USP45: variants seen among roughly 807,000 people sequenced by gnomAD.
USP45 encodes ubiquitin specific peptidase 45.
USP45 carries 89 observed loss-of-function variants against 95.8 expected under a neutral mutation model. That is an observed-to-expected ratio of 0.93 (90% CI 0.78 to 1.11). The LOEUF is 1.11. Among genes scored for constraint, USP45 ranks in the 50% least tolerant of loss-of-function variants. The pLI, the probability that USP45 is intolerant of heterozygous loss-of-function variation, is 0.00. For missense variants in USP45, 898 were observed against 942.5 expected, an observed-to-expected ratio of 0.95 and a Z score of 0.62; for synonymous variants, 281 against 316.2, an observed-to-expected ratio of 0.89 and a Z score of 1.18.
At chr6:99,473,047 G>A (rs745916160) in intron 9 of USP45, among the ~76,000 whole-genome samples, 42 of 150,322 alleles carry the variant, frequency 2.8e-4, no homozygotes, top group Admixed American at 2.0e-4. Context: ...TTCTTTTTTA[G>A]ACACAATGTA....
chr6:99,459,636 G>A (rs752336202), intron 13 of USP45, among the ~76,000 whole-genome samples: 16 of 151,950 alleles, frequency 1.1e-4, no homozygotes, highest in South Asian at 2.1e-4. Context: ...CTGCAGCCTC[G>A]CCAGCATTTA....
intron 7 of USP45, among the ~76,000 whole-genome samples, chr6:99,484,147 G>A (rs1793224054): frequency 6.7e-6 from 1 of 149,182 alleles, no homozygotes. Flanking sequence ...AAATTACAGA[G>A]GACTCAAGAC....
chr6:99,466,551 A>T, intron 11 of USP45, 121 bp downstream of exon 11: 1 of 741,728 alleles, frequency 1.3e-6, no homozygotes, highest in Non-Finnish European at 2.3e-6. Flanking sequence ...TTCAAGAATC[A>T]TTATGTAATC....
At chr6:99,438,743 G>A (rs1291393883) in intron 16 of USP45, among the ~76,000 whole-genome samples, 10 of 152,204 alleles carry the variant, frequency 6.6e-5, no homozygotes, top group Non-Finnish European at 1.2e-4. Context: ...AAATATTATG[G>A]GTGAAATGAT....
At chr6:99,465,005 T>G in intron 12 of USP45, 75 bp downstream of exon 12, 1 of 1,261,946 alleles carries the variant, frequency 7.9e-7, no homozygotes, top group Non-Finnish European at 1.1e-6. Flanking sequence ...TATCTGGTAA[T>G]ATACTCAACA....
At position 99,435,520 on chromosome 6, in the gene USP45, T is replaced by C. The variant is rs1484094447; in HGVS notation, c.*196A>G. On this transcript the variant is annotated 3_prime_UTR_variant, in exon 18 of 18. Coordinates refer to ENST00000500704, the MANE Select transcript of USP45 (RefSeq NM_001346022.3). ...TACCTGGAAACAAAATTCACATTTATTTTAAGACTATGAATTTTAAAGCAT... is the reference window on the plus strand; with the variant it reads ...TACCTGGAAACAAAATTCACATTTACTTTAAGACTATGAATTTTAAAGCAT... 4.7e-6 allele frequency: 2 copies of C among 424,326 alleles called. No homozygotes were observed. Among genetic ancestry groups the C allele is most frequent in the East Asian group, 7.7e-5 (2 of 26,076 alleles). 26.3% of individuals were successfully genotyped at this position (424,326 alleles called of 1,614,324 possible). A position where few individuals can be genotyped will look rare whatever the true frequency, so the allele number is the denominator to read the frequency against.
chr6:99,497,964 A>T (rs1439692517), intron 5 of USP45, among the ~76,000 whole-genome samples: 2 of 152,188 alleles, frequency 1.3e-5, no homozygotes, highest in African/African-American at 4.8e-5. Flanking sequence ...AAGTCGGATT[A>T]TTCTTCTAAA....
chr6:99,507,267 G>T (rs894111328), intron 4 of USP45, among the ~76,000 whole-genome samples, 161 bp downstream of exon 4: 6 of 152,036 alleles, frequency 3.9e-5, no homozygotes, highest in Non-Finnish European at 8.8e-5. Context: ...TATATTCACA[G>T]GTAATATTAA....
intron 10 of USP45, among the ~76,000 whole-genome samples, chr6:99,467,087 A>G (rs1179828880): frequency 6.6e-6 from 1 of 152,192 alleles, no homozygotes; most frequent in Non-Finnish European, 1.5e-5. Flanking sequence ...AGTACCCAGA[A>G]GAATGGAAAA....
chr6:99,505,640 C>CAA (rs11303051), intron 4 of USP45, among the ~76,000 whole-genome samples: 66 of 85,278 alleles, frequency 7.7e-4, no homozygotes, highest in African/African-American at 2.3e-3. Context: ...GATTCCATCT[C>CAA]AAAAAAAAAA....
intron 14 of USP45, among the ~76,000 whole-genome samples, chr6:99,443,888 A>C (rs930497946): frequency 2.0e-5 from 3 of 152,216 alleles, no homozygotes; most frequent in Non-Finnish European, 4.4e-5. Context: ...TAGGAGAGGT[A>C]ACACGAAACA....
chr6:99,436,814 T>C (rs1284476515), intron 17 of USP45, among the ~76,000 whole-genome samples: 1 of 151,990 alleles, frequency 6.6e-6, no homozygotes, highest in Non-Finnish European at 1.5e-5. Flanking sequence ...GTGAATCCAG[T>C]TGAGGCTGGG....
At chr6:99,480,899 T>G (rs1340093714) in intron 8 of USP45, among the ~76,000 whole-genome samples, 1 of 152,180 alleles carries the variant, frequency 6.6e-6, no homozygotes, top group Non-Finnish European at 1.5e-5. Flanking sequence ...TAATGTATAC[T>G]TCTTTTAAAA....
At chr6:99,458,707 A>G (rs1785643325) in intron 13 of USP45, among the ~76,000 whole-genome samples, 1 of 152,206 alleles carries the variant, frequency 6.6e-6, no homozygotes, top group Non-Finnish European at 1.5e-5. Flanking sequence ...ATGATAGGAG[A>G]AATACAGTGC....
upstream of USP45, chr6:99,515,494 G>A (rs1230068126): frequency 6.6e-6 from 1 of 152,100 alleles, no homozygotes; most frequent in African/African-American, 2.4e-5. Context: ...CCCCCAGCCA[G>A]GACCGGGAGG....
At chr6:99,480,632 C>A (rs1792169251) in intron 8 of USP45, among the ~76,000 whole-genome samples, 1 of 151,820 alleles carries the variant, frequency 6.6e-6, no homozygotes, top group Non-Finnish European at 1.5e-5. Context: ...CCATTGCACT[C>A]CAGCCTGGGC....
At chr6:99,447,048 C>A (rs1238290213) in intron 13 of USP45, among the ~76,000 whole-genome samples, 1 of 152,038 alleles carries the variant, frequency 6.6e-6, no homozygotes, top group East Asian at 1.9e-4. Context: ...CATACTTGTT[C>A]ATTTTTAAAC....
intron 8 of USP45, among the ~76,000 whole-genome samples, chr6:99,478,179 G>T (rs1791346903): frequency 6.8e-6 from 1 of 147,060 alleles, no homozygotes. Flanking sequence ...ACTATTTACT[G>T]CCTTCTAAAC....
At chr6:99,505,345 G>A (rs1038159506) in intron 4 of USP45, among the ~76,000 whole-genome samples, 1 of 152,030 alleles carries the variant, frequency 6.6e-6, no homozygotes, top group African/African-American at 2.4e-5. Flanking sequence ...AACATGTGTT[G>A]GAAAGTGTTC....
Sources: allele counts gnomAD v4.1 joint callset (sites outside exome capture counted in the v4.1 genomes callset), GRCh38; gene constraint gnomAD v4.1.1; transcripts MANE v1.5; gene names NCBI Gene and HGNC (gene_info 2026-07-23, HGNC 2026-07-21).